The following NRF1 variants were observed in gnomAD, a reference collection of about 807,000 sequenced individuals.
NRF1 encodes the protein nuclear respiratory factor 1.
In NRF1, 5 loss-of-function variants were observed where a neutral mutation model predicts 58.5. The observed-to-expected ratio is 0.09, with a 90% CI of 0.04 to 0.18. The LOEUF (loss-of-function observed/expected upper bound fraction) is 0.18. Ranked by LOEUF, NRF1 falls within the 10% of genes least tolerant of loss-of-function variation. The probability of loss-of-function intolerance (pLI) is 1.00; values close to 1 mark genes in which losing one functional copy is unlikely to be tolerated. For missense variants in NRF1, 288 were observed against 657.7 expected (o/e 0.44, Z 6.15); for synonymous variants, 224 against 246.7 (o/e 0.91, Z 0.86).
At chr7:129,646,933 C>A (rs764199603) in intron 1 of NRF1, among the ~76,000 whole-genome samples, 9 of 152,164 alleles carry the variant, frequency 5.9e-5, no homozygotes, top group Non-Finnish European at 1.2e-4. Flanking sequence ...TTAAAATGTG[C>A]AGCTGATTAC....
chr7:129,661,740 GTCT>G (rs1440494918), intron 2 of NRF1, among the ~76,000 whole-genome samples: 3 of 150,716 alleles, frequency 2.0e-5, no homozygotes, highest in Non-Finnish European at 4.4e-5. Context: ...ACATTTTCCC[GTCT>G]TCTTTTGAGC....
At chr7:129,669,152 G>A (rs1465173485) in intron 2 of NRF1, among the ~76,000 whole-genome samples, 1 of 152,072 alleles carries the variant, frequency 6.6e-6, no homozygotes, top group Non-Finnish European at 1.5e-5. Flanking sequence ...TCACCATATT[G>A]GCCAGGCTGG....
At chr7:129,744,233 G>T (rs1345010281) in intron 10 of NRF1, 1 of 1,549,454 alleles carries the variant, frequency 6.5e-7, no homozygotes, top group East Asian at 2.4e-5. Context: ...GCCACAGGTG[G>T]GTTCATCTTT....
intron 9 of NRF1, among the ~76,000 whole-genome samples, chr7:129,725,503 T>A (rs1803431545): frequency 6.6e-6 from 1 of 152,064 alleles, no homozygotes; most frequent in Non-Finnish European, 1.5e-5. Context: ...AATTTTGTAT[T>A]TTTAGTAAAG....
chr7:129,623,865 A>T (rs556550764), intron 1 of NRF1, among the ~76,000 whole-genome samples: 1 of 152,224 alleles, frequency 6.6e-6, no homozygotes. Flanking sequence ...TTTAGAATGT[A>T]TGCTTCACAA....
At chr7:129,710,031 C>T (rs1803038214) in intron 6 of NRF1, among the ~76,000 whole-genome samples, 1 of 151,914 alleles carries the variant, frequency 6.6e-6, no homozygotes, top group Non-Finnish European at 1.5e-5. Flanking sequence ...TGCCTGGCCA[C>T]GTATTTATTT....
chr7:129,660,440 G>A (rs760218641), intron 2 of NRF1, among the ~76,000 whole-genome samples: 2 of 150,888 alleles, frequency 1.3e-5, no homozygotes, highest in African/African-American at 5.0e-5. Flanking sequence ...CTGCCTATGA[G>A]CCTGTAAAAT....
chr7:129,676,025 C>G (rs1475032904), intron 3 of NRF1, among the ~76,000 whole-genome samples: 1 of 152,208 alleles, frequency 6.6e-6, no homozygotes, highest in African/African-American at 2.4e-5. Flanking sequence ...TACATCAGCA[C>G]TTGCAGCTTC....
intron 1 of NRF1, among the ~76,000 whole-genome samples, chr7:129,622,306 G>A (rs1800817115): frequency 1.3e-5 from 2 of 152,096 alleles, no homozygotes; most frequent in Non-Finnish European, 2.9e-5. Flanking sequence ...TTTTGGATAG[G>A]CAAGTTACTT....
chr7:129,663,255 G>A (rs780859193), intron 2 of NRF1, among the ~76,000 whole-genome samples: 16 of 152,234 alleles, frequency 1.1e-4, no homozygotes, highest in Middle Eastern at 3.4e-3. Context: ...GCCCGCTCTC[G>A]ATGGTCGCTG....
At chr7:129,622,813 G>A (rs549282640) in intron 1 of NRF1, among the ~76,000 whole-genome samples, 16 of 152,120 alleles carry the variant, frequency 1.1e-4, no homozygotes, top group East Asian at 1.9e-4. Context: ...CAGGTGATCC[G>A]CCCACCTTGG....
intron 10 of NRF1, among the ~76,000 whole-genome samples, chr7:129,746,570 T>A (rs1490815244): frequency 6.6e-6 from 1 of 152,202 alleles, no homozygotes; most frequent in Non-Finnish European, 1.5e-5. Flanking sequence ...TTTAAAGGAC[T>A]TCCTTCCTGC....
chr7:129,631,288 C>G (rs1259981105), intron 1 of NRF1, among the ~76,000 whole-genome samples: 1 of 150,866 alleles, frequency 6.6e-6, no homozygotes, highest in Non-Finnish European at 1.5e-5. Context: ...GATGTGATCA[C>G]TGCTCACTGT....
chr7:129,698,627 C>T (rs956281708), intron 5 of NRF1, among the ~76,000 whole-genome samples: 2 of 152,006 alleles, frequency 1.3e-5, no homozygotes, highest in East Asian at 1.9e-4. Flanking sequence ...CAGACCAGGG[C>T]CTAGTGGATG....
intron 10 of NRF1, among the ~76,000 whole-genome samples, chr7:129,750,389 C>G (rs547200801): frequency 6.6e-6 from 1 of 152,368 alleles, no homozygotes; most frequent in Non-Finnish European, 1.5e-5. Context: ...AGCCCCTCCC[C>G]CTTTCCCTTG....
At chr7:129,746,820 C>G (rs780217017) in intron 10 of NRF1, among the ~76,000 whole-genome samples, 1 of 152,208 alleles carries the variant, frequency 6.6e-6, no homozygotes, top group African/African-American at 2.4e-5. Context: ...TTTCCACCTA[C>G]TGTCATGTTT....
chr7:129,616,718 C>A (rs1800667401), intron 1 of NRF1, among the ~76,000 whole-genome samples: 1 of 152,222 alleles, frequency 6.6e-6, no homozygotes, highest in African/African-American at 2.4e-5. Flanking sequence ...GAATGGTCTA[C>A]TGAATCCCAG....
At chr7:129,671,011 CA>C (rs1562965809) in intron 2 of NRF1, among the ~76,000 whole-genome samples, 1 of 152,134 alleles carries the variant, frequency 6.6e-6, no homozygotes, top group African/African-American at 2.4e-5. Context: ...GTAATGGAAA[CA>C]GGGGTACAGG....
intron 1 of NRF1, among the ~76,000 whole-genome samples, chr7:129,638,460 A>C (rs970173743): frequency 6.6e-6 from 1 of 152,222 alleles, no homozygotes. Context: ...AGCCAGCTGC[A>C]GGACATCCAT....
Sources: allele counts gnomAD v4.1 joint callset (sites outside exome capture counted in the v4.1 genomes callset), GRCh38; gene constraint gnomAD v4.1.1; transcripts MANE v1.5; gene names NCBI Gene and HGNC (gene_info 2026-07-23, HGNC 2026-07-21).